PARPBP: variants seen among roughly 807,000 people sequenced by gnomAD.
PARPBP encodes the protein PARP1 binding protein, also known as PCNA-interacting partner.
Under a neutral mutation model 50.0 loss-of-function variants are expected in PARPBP, and 52 were observed. That is an observed-to-expected ratio of 1.04 (90% CI 0.83 to 1.31). PARPBP has a LOEUF of 1.31. PARPBP is among the 50% of genes most tolerant of loss of function. The probability of loss-of-function intolerance (pLI) is 0.00; values close to 1 mark genes in which losing one functional copy is unlikely to be tolerated. For missense variants in PARPBP, 697 were observed against 672.0 expected (o/e 1.04, Z -0.41); for synonymous variants, 244 against 232.1 (o/e 1.05, Z -0.47).
chr12:102,142,621 G>GT (rs1884785965), intron 2 of PARPBP, among the ~76,000 whole-genome samples: 1 of 152,172 alleles, frequency 6.6e-6, no homozygotes, highest in Non-Finnish European at 1.5e-5. Context: ...CATCTTTGTG[G>GT]TTTTATCTAC....
At chr12:102,120,432 T>C in intron 1 of PARPBP, 146 bp downstream of exon 1, 1 of 456,356 alleles carries the variant, frequency 2.2e-6, no homozygotes, top group South Asian at 1.5e-5. Flanking sequence ...GACTTGACGC[T>C]CGAGCCTGGT....
intron 4 of PARPBP, among the ~76,000 whole-genome samples, chr12:102,155,606 GC>G (rs1886792730): frequency 1.0e-5 from 1 of 96,818 alleles, no homozygotes; most frequent in African/African-American, 4.0e-5. Flanking sequence ...GGGGGGGGGG[GC>G]GGGGACAATG....
At chr12:102,149,355 T>C (rs1885883809) in intron 3 of PARPBP, among the ~76,000 whole-genome samples, 2 of 152,370 alleles carry the variant, frequency 1.3e-5, no homozygotes, top group South Asian at 4.1e-4. Context: ...AAGACTGATA[T>C]GATAGCTCCA....
intron 1 of PARPBP, among the ~76,000 whole-genome samples, chr12:102,122,715 AAC>A (rs2136956475): frequency 6.6e-6 from 1 of 152,334 alleles, no homozygotes; most frequent in South Asian, 2.1e-4. Context: ...ATGCTTTAAG[AAC>A]ACAGCTTATA....
rs1887936357 is a variant in PARPBP at position 102,164,579 on chromosome 12, G to A, written c.637G>A (p.Ala213Thr). The A allele has an allele frequency of 4.3e-6, 7 of 1,613,568 alleles. No homozygotes were observed. Among genetic ancestry groups the A allele is most frequent in the Non-Finnish European group, 5.9e-6 (7 of 1,179,630 alleles). Residue 213 changes from alanine (A) to threonine (T), a missense_variant, in exon 5 of 11, where the codon GCT (alanine) becomes ACT (threonine). Ala to Thr is a moderately conservative substitution (Grantham distance 58, BLOSUM62 0). Coordinates refer to ENST00000327680, the MANE Select transcript of PARPBP (RefSeq NM_017915.5). ...REAFTDLKHA[A>T]REKQMSIFLV... is the part of the protein sequence containing the mutation. Reference sequence around the variant, plus strand: ...AGCCTTCACTGATTTGAAACATGCTGCTCGAGAGAAACAAATGTCTATCTT... The same window carrying A: ...AGCCTTCACTGATTTGAAACATGCTACTCGAGAGAAACAAATGTCTATCTT...
chr12:102,194,512 C>T (rs1891082169), intron 9 of PARPBP, among the ~76,000 whole-genome samples: 1 of 151,900 alleles, frequency 6.6e-6, no homozygotes, highest in South Asian at 2.1e-4. Flanking sequence ...TCCCCAATAG[C>T]TCACTGGTTT....
intron 3 of PARPBP, chr12:102,148,927 T>C (rs1422255685): frequency 6.6e-6 from 1 of 152,598 alleles, no homozygotes. Context: ...ATACATGAGA[T>C]AATAGACTAT....
intron 9 of PARPBP, among the ~76,000 whole-genome samples, chr12:102,194,404 A>T (rs903256752): frequency 6.6e-6 from 1 of 151,924 alleles, no homozygotes; most frequent in Non-Finnish European, 1.5e-5. Flanking sequence ...TTATTTGGAG[A>T]CATCTCTCCA....
chr12:102,127,828 G>T (rs1389637499), intron 2 of PARPBP, among the ~76,000 whole-genome samples: 1 of 152,104 alleles, frequency 6.6e-6, no homozygotes, highest in Non-Finnish European at 1.5e-5. Context: ...GTTGGCTTGG[G>T]TTCACAGCCT....
intron 9 of PARPBP, among the ~76,000 whole-genome samples, chr12:102,192,022 C>T (rs895515795): frequency 2.6e-5 from 4 of 152,010 alleles, no homozygotes; most frequent in African/African-American, 9.7e-5. Flanking sequence ...TAGAAAAATT[C>T]AACTTTTATG....
chr12:102,142,683 T>C (rs1884795984), intron 2 of PARPBP, among the ~76,000 whole-genome samples: 1 of 152,226 alleles, frequency 6.6e-6, no homozygotes, highest in South Asian at 2.1e-4. Context: ...GTGGATGTCC[T>C]TTCTGTTTGT....
At chr12:102,134,080 T>G (rs1185915152) in intron 2 of PARPBP, among the ~76,000 whole-genome samples, 1 of 151,148 alleles carries the variant, frequency 6.6e-6, no homozygotes, top group Non-Finnish European at 1.5e-5. Context: ...AAGCCCAAAC[T>G]TAGCAGAAGG....
chr12:102,196,441 A>T lies in PARPBP; in HGVS notation c.*150A>T. 2.8e-6 allele frequency: 2 copies of T among 715,034 alleles called. No homozygotes were observed. The highest frequency in any genetic ancestry group is 2.7e-5 in the Admixed American group (1 of 36,712). The allele number at this position is 715,034 out of a possible 1,614,324, so 44.3% of individuals were successfully genotyped here. On this transcript the variant is annotated 3_prime_UTR_variant, in exon 11 of 11. Coordinates refer to ENST00000327680, the MANE Select transcript of PARPBP (RefSeq NM_017915.5). ...GTTAGTATGTTAAGCATTGTTTAAA[A>T]ATACTAGTAAGTCATAATTATGCAG...
intron 6 of PARPBP, among the ~76,000 whole-genome samples, chr12:102,171,196 T>A (rs1275900777): frequency 6.6e-6 from 1 of 151,934 alleles, no homozygotes; most frequent in Non-Finnish European, 1.5e-5. Flanking sequence ...AAAATAATGA[T>A]AAAAGGTATA....
chr12:102,156,630 T>G (rs557762509), intron 4 of PARPBP, among the ~76,000 whole-genome samples: 1 of 152,242 alleles, frequency 6.6e-6, no homozygotes, highest in Admixed American at 6.5e-5. Context: ...ATTATTTTTG[T>G]TTTATTTATT....
intron 4 of PARPBP, among the ~76,000 whole-genome samples, chr12:102,163,376 C>A (rs1444586023): frequency 1.3e-5 from 2 of 152,104 alleles, no homozygotes; most frequent in African/African-American, 4.8e-5. Flanking sequence ...TCATTTTGTT[C>A]TGGCTGCACT....
chr12:102,123,910 T>G lies in PARPBP; in HGVS notation c.22T>G (p.Ser8Ala), dbSNP rs1420989332. The G allele has an allele frequency of 2.6e-6, 4 of 1,535,056 alleles. No homozygotes were observed. Among genetic ancestry groups the G allele is most frequent in the Non-Finnish European group, 3.5e-6 (4 of 1,146,094 alleles). Residue 8 changes from serine (S) to alanine (A), a missense_variant, in exon 2 of 11, where the codon TCT (serine) becomes GCT (alanine). Transcript: ENST00000327680. ...GATAATGGCTGTGTTTAATCAGAAG[T>G]CTGTCTCGGATATGATTAAAGAGTT... MAVFNQKSVSDMIKEFRK... is the reference protein window; with the variant it reads MAVFNQKAVSDMIKEFRK...
intron 8 of PARPBP, among the ~76,000 whole-genome samples, chr12:102,179,639 C>G (rs961721219): frequency 1.3e-5 from 2 of 152,084 alleles, no homozygotes; most frequent in African/African-American, 2.4e-5. Flanking sequence ...TGGATCCCAC[C>G]CATGTGACCT....
chr12:102,160,175 CATA>C (rs1887411824), intron 4 of PARPBP, among the ~76,000 whole-genome samples: 1 of 152,066 alleles, frequency 6.6e-6, no homozygotes, highest in Non-Finnish European at 1.5e-5. Flanking sequence ...GTTATCTGAC[CATA>C]ATAAGAGGGA....
Sources: gnomAD v4.1 joint callset for allele counts (sites outside exome capture counted in the v4.1 genomes callset) on GRCh38, gnomAD v4.1.1 for gene constraint, MANE v1.5 for transcripts, NCBI Gene and HGNC (gene_info 2026-07-23, HGNC 2026-07-21) for gene names.